Variants in POC1B observed in about 807,000 individuals in gnomAD.
POC1B encodes POC1 centriolar protein B.
A neutral mutation model predicts 60.6 loss-of-function variants in POC1B; 44 were observed. The ratio of observed to expected loss-of-function variants is 0.73; its 90% confidence interval spans 0.57 to 0.93. The LOEUF (loss-of-function observed/expected upper bound fraction) is 0.93. Ranked by LOEUF, POC1B falls within the 40% of genes least tolerant of loss-of-function variation. The pLI is 0.00. For synonymous variants in POC1B, 180 were observed against 198.9 expected, an observed-to-expected ratio of 0.90 and a Z score of 0.80; for missense variants, 555 against 572.3, an observed-to-expected ratio of 0.97 and a Z score of 0.31.
rs150575897 is a variant in POC1B at position 89,478,602 on chromosome 12, CTT to C, written c.453-6329_453-6328del. On this transcript the variant is annotated intron_variant, in intron 4 of 11. Coordinates refer to ENST00000313546, the MANE Select transcript of POC1B (RefSeq NM_172240.3). The stretch of plus-strand genomic sequence containing the variant: ...AAAGTTTTAAGGGAATTTAAACTAA[CTT>C]AATATTATATATAGCCAATGTAAGC... Among the ~76,000 whole-genome samples, 1,283 of 152,166 alleles carry C rather than the reference CTT, an allele frequency of 8.4e-3. 21 individuals are homozygous for C. Among genetic ancestry groups the C allele is most frequent in the African/African-American group, 0.029 (1,210 of 41,486 alleles).
chr12:89,524,440 C>A, intron 2 of POC1B: 1 of 1,613,930 alleles, frequency 6.2e-7, no homozygotes, highest in African/African-American at 1.3e-5. Flanking sequence ...ACGGCCGGCT[C>A]CTGCGGAGGC....
chr12:89,457,888 T>C (rs1882321078), intron 10 of POC1B, among the ~76,000 whole-genome samples: 2 of 152,218 alleles, frequency 1.3e-5, no homozygotes, highest in Non-Finnish European at 2.9e-5. Context: ...CCTCGAGTTA[T>C]GGTCCTGTAT....
intron 10 of POC1B, among the ~76,000 whole-genome samples, chr12:89,449,594 A>G (rs1229990657): frequency 6.6e-6 from 1 of 152,224 alleles, no homozygotes; most frequent in Non-Finnish European, 1.5e-5. Flanking sequence ...GCAATTCTCA[A>G]ATTATTTTAT....
At chr12:89,442,139 G>A (rs572378068) in intron 10 of POC1B, among the ~76,000 whole-genome samples, 5 of 152,134 alleles carry the variant, frequency 3.3e-5, no homozygotes, top group Non-Finnish European at 5.9e-5. Flanking sequence ...CTGGTGTACC[G>A]GAAAGTGATG....
At position 89,469,164 on chromosome 12, in the gene POC1B, G is replaced by A. The variant is rs76429976; in HGVS notation, c.810+1197C>T. On this transcript the variant is annotated intron_variant, in intron 7 of 11. Coordinates refer to ENST00000313546, the MANE Select transcript of POC1B (RefSeq NM_172240.3). ...TGGTGCGCCTGTACAGAAGGCTGAG[G>A]TAGGAGAATCACTTGAACCCAGGAG... 2.0e-3 allele frequency among the ~76,000 whole-genome samples: 311 copies of A among 152,206 alleles called. 2 individuals are homozygous for A. The highest frequency in any genetic ancestry group is 7.4e-3 in the African/African-American group (306 of 41,540).
chr12:89,506,995 T>C (rs1338646547), intron 2 of POC1B, among the ~76,000 whole-genome samples: 1 of 151,692 alleles, frequency 6.6e-6, no homozygotes, highest in Non-Finnish European at 1.5e-5. Context: ...CAGAAGAAAA[T>C]AGGAGGGAGT....
chr12:89,473,782 A>G (rs554829114), intron 4 of POC1B, among the ~76,000 whole-genome samples: 267 of 152,232 alleles, frequency 1.8e-3, no homozygotes, highest in African/African-American at 6.2e-3. Context: ...TTCTTTCAGA[A>G]AATGTGAGAA....
chr12:89,434,956 A>T (rs947720833), intron 10 of POC1B, among the ~76,000 whole-genome samples: 8 of 152,114 alleles, frequency 5.3e-5, no homozygotes, highest in Admixed American at 2.0e-4. Flanking sequence ...TATTTTTTCT[A>T]AAAAAACTTA....
At chr12:89,494,646 CAG>C (rs1192240432) in intron 3 of POC1B, among the ~76,000 whole-genome samples, 1 of 152,166 alleles carries the variant, frequency 6.6e-6, no homozygotes, top group African/African-American at 2.4e-5. Flanking sequence ...CTCTGAGGAA[CAG>C]AACGTGGCAG....
At chr12:89,502,934 A>C (rs1354177285) in intron 2 of POC1B, among the ~76,000 whole-genome samples, 1 of 152,216 alleles carries the variant, frequency 6.6e-6, no homozygotes, top group African/African-American at 2.4e-5. Flanking sequence ...TACTCAGATA[A>C]AAAGATGAAA....
intron 4 of POC1B, among the ~76,000 whole-genome samples, chr12:89,480,850 T>C (rs1883307176): frequency 6.6e-6 from 1 of 152,322 alleles, no homozygotes; most frequent in Non-Finnish European, 1.5e-5. Flanking sequence ...TCTGCCCGCC[T>C]TGGCCTCCCA....
At chr12:89,446,300 C>T (rs1487519156) in intron 10 of POC1B, among the ~76,000 whole-genome samples, 2 of 152,206 alleles carry the variant, frequency 1.3e-5, no homozygotes, top group Non-Finnish European at 2.9e-5. Flanking sequence ...AAGACACATG[C>T]ACACATATGT....
At chr12:89,465,616 A>G (rs1447921282) in intron 9 of POC1B, among the ~76,000 whole-genome samples, 1 of 152,236 alleles carries the variant, frequency 6.6e-6, no homozygotes, top group Non-Finnish European at 1.5e-5. Context: ...AAAAAATGGG[A>G]AAACCAAATT....
At position 89,491,786 on chromosome 12, in the gene POC1B, T is replaced by C. The variant is rs147989122; in HGVS notation, c.452+150A>G. ...GAACAAGGATTTTCACTATTTTGTTTACTACCGTTCCCGCACAAAGCAGTC... is the reference window on the plus strand; with the variant it reads ...GAACAAGGATTTTCACTATTTTGTTCACTACCGTTCCCGCACAAAGCAGTC... On this transcript the variant is annotated intron_variant, in intron 4 of 11. Coordinates refer to ENST00000313546, the MANE Select transcript of POC1B (RefSeq NM_172240.3). The C allele has an allele frequency of 4.5e-5, 25 of 561,466 alleles. No individual in the cohort carries two copies. The African/African-American group carries it at 4.8e-4, about 11-fold the overall frequency. 34.8% of individuals were successfully genotyped at this position (561,466 alleles called of 1,614,324 possible).
chr12:89,525,119 C>T lies in POC1B; in HGVS notation c.100+1G>A. 1.2e-6 allele frequency: 2 copies of T among 1,614,038 alleles called. No individual in the cohort carries two copies. Among genetic ancestry groups the T allele is most frequent in the Non-Finnish European group, 1.7e-6 (2 of 1,179,898 alleles). On this transcript the variant is annotated splice_donor_variant, in intron 2 of 11. Transcript: ENST00000313546. LOFTEE classifies it high-confidence loss of function. The stretch of plus-strand genomic sequence containing the variant: ...AAAAGCAAAACAAGAATAAGACTTA[C>T]CAAGTTGCTTGCCGTTGGGGCTGAG...
In POC1B at chr12:89,452,516, A is replaced by G. The variant is rs562041227; in HGVS notation, c.1113+7122T>C. The stretch of plus-strand genomic sequence containing the variant: ...CTGCATAAAGTATTCTTTAACTAGG[A>G]CTATTTTTAAAAACTTTAAGAGTAT... On this transcript the variant is annotated intron_variant, in intron 10 of 11. Transcript: ENST00000313546. Among the ~76,000 whole-genome samples, 5 of 151,926 alleles carry G rather than the reference A, an allele frequency of 3.3e-5. No individual in the cohort carries two copies. In the South Asian group the frequency reaches 1.0e-3, roughly 31 times the overall value.
At chr12:89,491,847 T>C (rs1868993997) in intron 4 of POC1B, 89 bp downstream of exon 4, 4 of 1,101,072 alleles carry the variant, frequency 3.6e-6, no homozygotes, top group African/African-American at 1.6e-5. Context: ...TGAATGAATA[T>C]GTCCTCAAAC....
intron 2 of POC1B, among the ~76,000 whole-genome samples, chr12:89,508,390 CTA>C: frequency 6.6e-6 from 1 of 152,078 alleles, no homozygotes; most frequent in Non-Finnish European, 1.5e-5. Context: ...TTCTTGAAGA[CTA>C]TAGGCTTGTT....
chr12:89,409,684 C>A, the POC1B span, among the ~76,000 whole-genome samples: 1 of 152,220 alleles, frequency 6.6e-6, no homozygotes, highest in Non-Finnish European at 1.5e-5. Flanking sequence ...CACCTCTGTG[C>A]AAATAAACTA....
Sources: gnomAD v4.1 joint callset for allele counts (sites outside exome capture counted in the v4.1 genomes callset) on GRCh38, gnomAD v4.1.1 for gene constraint, MANE v1.5 for transcripts, NCBI Gene and HGNC (gene_info 2026-07-23, HGNC 2026-07-21) for gene names.